The following APLF variants were observed in gnomAD, a reference collection of about 807,000 sequenced individuals.
APLF encodes aprataxin and PNKP like factor.
In APLF, 61 loss-of-function variants were observed where a neutral mutation model predicts 55.6. That is an observed-to-expected ratio of 1.10 (90% CI 0.89 to 1.36). The LOEUF is 1.36. APLF is among the 40% of genes most tolerant of loss of function. The pLI, the probability that APLF is intolerant of heterozygous loss-of-function variation, is 0.00. For synonymous variants in APLF, 207 were observed against 214.8 expected (o/e 0.96, Z 0.32); for missense variants, 611 against 602.5 (o/e 1.01, Z -0.15).
At chr2:68,576,103 TA>T (rs1671613068) in intron 9 of APLF, among the ~76,000 whole-genome samples, 1 of 152,138 alleles carries the variant, frequency 6.6e-6, no homozygotes, top group Non-Finnish European at 1.5e-5. Context: ...GTAAAGCTGG[TA>T]AGTGATTTCT....
chr2:68,576,296 T>C (rs888742789), intron 9 of APLF, among the ~76,000 whole-genome samples: 1 of 152,176 alleles, frequency 6.6e-6, no homozygotes, highest in Non-Finnish European at 1.5e-5. Context: ...TGCCTTCCAA[T>C]TTTTAAAAAA....
At chr2:68,553,883 G>T (rs942707432) in intron 8 of APLF, among the ~76,000 whole-genome samples, 3 of 152,112 alleles carry the variant, frequency 2.0e-5, no homozygotes, top group African/African-American at 7.2e-5. Context: ...TGTAATGCTA[G>T]GTTGATTTCA....
intron 7 of APLF, among the ~76,000 whole-genome samples, chr2:68,542,436 G>GAC (rs1670579982): frequency 6.6e-6 from 1 of 152,014 alleles, no homozygotes; most frequent in African/African-American, 2.4e-5. Context: ...AATACATAAA[G>GAC]AACTATAACT....
intron 3 of APLF, among the ~76,000 whole-genome samples, chr2:68,510,432 T>A (rs1427498836): frequency 6.6e-6 from 1 of 151,836 alleles, no homozygotes; most frequent in African/African-American, 2.4e-5. Context: ...GAAAAAATGT[T>A]CAACATCACT....
At chr2:68,560,403 G>T (rs541151238) in intron 8 of APLF, among the ~76,000 whole-genome samples, 1 of 151,256 alleles carries the variant, frequency 6.6e-6, no homozygotes, top group Non-Finnish European at 1.5e-5. Flanking sequence ...AACATGGTTT[G>T]TAGGAGCATC....
intron 9 of APLF, among the ~76,000 whole-genome samples, chr2:68,576,394 A>T (rs1468452685): frequency 6.6e-6 from 1 of 152,306 alleles, no homozygotes; most frequent in East Asian, 1.9e-4. Flanking sequence ...ATATACAGAT[A>T]TATGTAATGC....
In APLF at chr2:68,576,703, A is replaced by G. The variant is rs1416282960; in HGVS notation, c.1334-1117A>G. 2.6e-5 allele frequency among the ~76,000 whole-genome samples: 4 copies of G among 152,270 alleles called. No individual in the cohort carries two copies. The South Asian group carries it at 8.3e-4, about 32-fold the overall frequency. On this transcript the variant is annotated intron_variant, in intron 9 of 9. Coordinates refer to ENST00000303795, the MANE Select transcript of APLF (RefSeq NM_173545.3). ...TAAGGGTTAAAAGGACAGATACATT[A>G]CTTCCTTTGTCATTTTTCTCATTTT...
At chr2:68,571,992 G>A (rs975031601) in intron 9 of APLF, among the ~76,000 whole-genome samples, 2 of 152,088 alleles carry the variant, frequency 1.3e-5, no homozygotes, top group African/African-American at 4.8e-5. Flanking sequence ...ATGTTCCACT[G>A]ATAGCTACTT....
chr2:68,547,919 A>G (rs1670748924), intron 8 of APLF, among the ~76,000 whole-genome samples: 1 of 151,838 alleles, frequency 6.6e-6, no homozygotes. Context: ...AATATCTAAC[A>G]GACTGCTGAC....
Position 68,529,066 on chromosome 2 carries a change from T to C in APLF, c.804+2824T>C, listed in dbSNP as rs1376802780. ...TCACCTGCTCATCTAATGAAGGAAG[T>C]TGAAGGTTAAACTTGCCTCTGAGAC... On this transcript the variant is annotated intron_variant, in intron 6 of 9. Coordinates refer to ENST00000303795, the MANE Select transcript of APLF (RefSeq NM_173545.3). This position sits in a 1 kb window ranked among gnomAD's most constrained non-coding sequence, Gnocchi z 4.4. The C allele has an allele frequency of 6.9e-7, 1 of 1,453,884 alleles. No individual in the cohort carries two copies. Among genetic ancestry groups the C allele is most frequent in the Non-Finnish European group, 9.3e-7 (1 of 1,072,000 alleles). The allele number at this position is 1,453,884 out of a possible 1,614,324, so 90.1% of individuals were successfully genotyped here.
At chr2:68,530,806 G>T (rs1224014429) in intron 6 of APLF, among the ~76,000 whole-genome samples, 6 of 151,940 alleles carry the variant, frequency 3.9e-5, no homozygotes, top group Non-Finnish European at 7.4e-5. Context: ...AAACCATTTG[G>T]CCACTCTACA....
Position 68,566,615 on chromosome 2 carries a change from C to T in APLF, c.1287-726C>T, listed in dbSNP as rs372718504. On this transcript the variant is annotated intron_variant, in intron 8 of 9. Transcript: ENST00000303795. ...ACCCCAGCTGTGCTTTGTCAGTTCC[C>T]TAAGAAAGGGGTACCAGTCAGTTTG... is the stretch of plus-strand genomic sequence containing the variant. 2.2e-3 allele frequency among the ~76,000 whole-genome samples: 331 copies of T among 152,162 alleles called. 2 individuals are homozygous for T. Among genetic ancestry groups the T allele is most frequent in the African/African-American group, 7.4e-3 (309 of 41,532 alleles).
At chr2:68,519,068 A>AATAATATAATATATAATTAATAT (rs1558540252) in intron 5 of APLF, among the ~76,000 whole-genome samples, 13 of 117,312 alleles carry the variant, frequency 1.1e-4, no homozygotes, top group Non-Finnish European at 2.1e-4. Flanking sequence ...ATTAATATAT[A>AATAATATAATATATAATTAATAT]ATAATAATAT....
intron 9 of APLF, among the ~76,000 whole-genome samples, chr2:68,576,078 A>G (rs192426498): frequency 1.3e-5 from 2 of 152,264 alleles, no homozygotes; most frequent in Non-Finnish European, 2.9e-5. Flanking sequence ...TTTCACCTTT[A>G]TATCTGTTTT....
intron 1 of APLF, among the ~76,000 whole-genome samples, chr2:68,483,130 C>G (rs1445227332): frequency 6.6e-6 from 1 of 152,110 alleles, no homozygotes; most frequent in African/African-American, 2.4e-5. Context: ...CGCCCTCCAG[C>G]AGTGGCTCTG....
intron 8 of APLF, among the ~76,000 whole-genome samples, chr2:68,558,701 T>G (rs1671082395): frequency 6.6e-6 from 1 of 152,174 alleles, no homozygotes; most frequent in Non-Finnish European, 1.5e-5. Context: ...TAGGTAAACA[T>G]TTGCCATGAT....
intron 9 of APLF, among the ~76,000 whole-genome samples, chr2:68,572,790 G>C (rs1671504119): frequency 6.6e-6 from 1 of 152,148 alleles, no homozygotes; most frequent in African/African-American, 2.4e-5. Flanking sequence ...AGTGAGCCGT[G>C]ATTGTGTCAC....
intron 8 of APLF, among the ~76,000 whole-genome samples, chr2:68,566,984 G>A (rs1048443741): frequency 5.3e-5 from 8 of 151,908 alleles, no homozygotes; most frequent in African/African-American, 1.9e-4. Flanking sequence ...ATACATATTT[G>A]ATATTTGTGT....
chr2:68,564,214 T>C (rs1217035020), intron 8 of APLF, among the ~76,000 whole-genome samples: 2 of 152,086 alleles, frequency 1.3e-5, no homozygotes, highest in Non-Finnish European at 2.9e-5. Context: ...ACCATAGCTT[T>C]GTTCATTTGC....
Sources: gnomAD v4.1 joint callset for allele counts (sites outside exome capture counted in the v4.1 genomes callset) on GRCh38, gnomAD v4.1.1 for gene constraint, Gnocchi (gnomAD v3.1) non-coding constraint, MANE v1.5 for transcripts, NCBI Gene and HGNC (gene_info 2026-07-23, HGNC 2026-07-21) for gene names.